PAK3: variants seen among roughly 807,000 people sequenced by gnomAD.
PAK3 encodes p21 (RAC1) activated kinase 3.
In PAK3, 4 loss-of-function variants were observed where a neutral mutation model predicts 41.0. The observed-to-expected ratio is 0.10, with a 90% CI of 0.05 to 0.22. The LOEUF (loss-of-function observed/expected upper bound fraction) is 0.22. Ranked by LOEUF, PAK3 falls within the 10% of genes least tolerant of loss-of-function variation. The pLI, the probability that PAK3 is intolerant of heterozygous loss-of-function variation, is 1.00. For missense variants in PAK3, 205 were observed against 409.9 expected (o/e 0.50, Z 4.32); for synonymous variants, 146 against 139.6 (o/e 1.05, Z -0.32).
At chrX:110,958,460 G>A (rs1178186055) in intron 1 of PAK3, among the ~76,000 whole-genome samples, 1 of 111,643 alleles carries the variant, frequency 9.0e-6, no homozygotes, top group Non-Finnish European at 1.9e-5. Context: ...AGATGGTGGT[G>A]GCCTGGACTA....
intron 5 of PAK3, among the ~76,000 whole-genome samples, chrX:111,126,821 C>A (rs966420343): frequency 1.8e-5 from 2 of 111,097 alleles, no homozygotes; most frequent in Non-Finnish European, 3.8e-5. Context: ...TAACTTCCTC[C>A]CATTTTTATG....
intron 7 of PAK3, among the ~76,000 whole-genome samples, chrX:111,149,926 T>C (rs1216960118): frequency 1.8e-5 from 2 of 112,558 alleles, no homozygotes; most frequent in Non-Finnish European, 3.8e-5. Flanking sequence ...TTTTATTTTC[T>C]ATCGCATAGT....
At chrX:111,000,925 G>A (rs1313445490) in intron 1 of PAK3, among the ~76,000 whole-genome samples, 2 of 111,472 alleles carry the variant, frequency 1.8e-5, no homozygotes, top group Non-Finnish European at 3.8e-5. Flanking sequence ...AGACAAAGTA[G>A]GAAAGGGAAA....
chrX:111,028,275 G>T (rs965858576), intron 1 of PAK3, among the ~76,000 whole-genome samples: 1 of 108,728 alleles, frequency 9.2e-6, no homozygotes, highest in Non-Finnish European at 1.9e-5. Context: ...AGGGATAAAA[G>T]ACTAGTCACT....
chrX:111,167,251 A>C (rs143530651), intron 10 of PAK3, among the ~76,000 whole-genome samples: 16,763 of 110,573 alleles, frequency 0.15, 2,714 homozygotes, highest in African/African-American at 0.48. Flanking sequence ...CTCAAAGGCC[A>C]CATTGGAGCT....
chrX:111,158,151 AG>A (rs1284734603), intron 8 of PAK3, among the ~76,000 whole-genome samples: 1 of 112,037 alleles, frequency 8.9e-6, no homozygotes, highest in Admixed American at 9.5e-5. Flanking sequence ...TTGATTTTAA[AG>A]CAGGTCTTGC....
At chrX:110,972,344 G>A (rs1325185618) in intron 1 of PAK3, among the ~76,000 whole-genome samples, 1 of 111,553 alleles carries the variant, frequency 9.0e-6, no homozygotes, top group African/African-American at 3.3e-5. Flanking sequence ...GCCCCTCTGG[G>A]GAGAAGCTTC....
chrX:111,013,178 G>T (rs1353982027), intron 1 of PAK3, among the ~76,000 whole-genome samples: 1 of 112,238 alleles, frequency 8.9e-6, no homozygotes, highest in Non-Finnish European at 1.9e-5. Context: ...GATACTTTAT[G>T]CTTTTTAAAG....
intron 1 of PAK3, among the ~76,000 whole-genome samples, chrX:111,011,979 A>G (rs1447358996): frequency 1.4e-4 from 16 of 112,084 alleles, no homozygotes; most frequent in Non-Finnish European, 3.0e-4. Context: ...CTGTACATCT[A>G]TCGATAAGCA....
intron 1 of PAK3, among the ~76,000 whole-genome samples, chrX:110,946,556 C>A (rs1036136640): frequency 1.5e-4 from 17 of 112,297 alleles, no homozygotes; most frequent in Non-Finnish European, 2.8e-4. Context: ...GATTCATAAT[C>A]AGATTATGTT....
chrX:110,947,278 C>G (rs1050577053), intron 1 of PAK3, among the ~76,000 whole-genome samples: 1 of 111,840 alleles, frequency 8.9e-6, no homozygotes, highest in Non-Finnish European at 1.9e-5. Context: ...CTGGACAATA[C>G]CTTGCTGTGG....
At chrX:111,187,569 A>T (rs2094522497) in intron 11 of PAK3, among the ~76,000 whole-genome samples, 1 of 111,420 alleles carries the variant, frequency 9.0e-6, no homozygotes, top group Non-Finnish European at 1.9e-5. Flanking sequence ...CCCAGCAGTG[A>T]GCAATGAGAG....
intron 1 of PAK3, among the ~76,000 whole-genome samples, chrX:110,995,187 G>A (rs961142876): frequency 9.0e-6 from 1 of 111,271 alleles, no homozygotes; most frequent in Non-Finnish European, 1.9e-5. Context: ...CAGTGTTGGG[G>A]TTAGTAGGGC....
At chrX:110,966,401 CTTA>C (rs2091082321) in intron 1 of PAK3, among the ~76,000 whole-genome samples, 1 of 109,427 alleles carries the variant, frequency 9.1e-6, no homozygotes, top group East Asian at 2.9e-4. Context: ...ATTTGATTCA[CTTA>C]TTATGTGAAA....
chrX:111,063,084 C>T (rs1467599012), intron 1 of PAK3, among the ~76,000 whole-genome samples: 3 of 112,256 alleles, frequency 2.7e-5, no homozygotes, highest in African/African-American at 9.7e-5. Flanking sequence ...AAAAGAATCT[C>T]TGTCTCCCAC....
At chrX:110,994,165 G>A (rs186395054) in intron 1 of PAK3, among the ~76,000 whole-genome samples, 79 of 112,113 alleles carry the variant, frequency 7.0e-4, no homozygotes, top group African/African-American at 2.3e-3. Context: ...TTGCTGACTC[G>A]ATGAGATGTT....
intron 4 of PAK3, among the ~76,000 whole-genome samples, chrX:111,105,113 A>G (rs1223998023): frequency 1.8e-5 from 2 of 111,607 alleles, no homozygotes; most frequent in African/African-American, 6.5e-5. Context: ...ACCCTCACAC[A>G]CAATCATATT....
chrX:111,137,641 C>T (rs1393851266), intron 5 of PAK3, among the ~76,000 whole-genome samples: 1 of 111,641 alleles, frequency 9.0e-6, no homozygotes, highest in African/African-American at 3.3e-5. Flanking sequence ...ACTAGAGGGA[C>T]TTCTCATTCT....
At chrX:111,070,043 T>A (rs2092730063) in intron 1 of PAK3, among the ~76,000 whole-genome samples, 3 of 111,400 alleles carry the variant, frequency 2.7e-5, no homozygotes, top group African/African-American at 9.8e-5. Context: ...TGTTTTATGG[T>A]CAATTTTCTA....
Sources: allele counts gnomAD v4.1 joint callset (sites outside exome capture counted in the v4.1 genomes callset), GRCh38; gene constraint gnomAD v4.1.1; transcripts MANE v1.5; gene names NCBI Gene and HGNC (gene_info 2026-07-23, HGNC 2026-07-21).